Variants in GTF2A2 observed in about 807,000 individuals in gnomAD.
GTF2A2 encodes the protein transcription initiation factor IIA subunit 2.
GTF2A2 carries 9 observed loss-of-function variants against 14.3 expected under a neutral mutation model. That is an observed-to-expected ratio of 0.63 (90% CI 0.38 to 1.10). The LOEUF is 1.10. Among genes scored for constraint, GTF2A2 ranks in the 50% least tolerant of loss-of-function variants. The pLI, the probability that GTF2A2 is intolerant of heterozygous loss-of-function variation, is 0.01. For synonymous variants in GTF2A2, 56 were observed against 46.0 expected (o/e 1.22, Z -0.88); for missense variants, 90 against 124.6 (o/e 0.72, Z 1.32).
intron 4 of GTF2A2, among the ~76,000 whole-genome samples, chr15:59,640,722 A>C (rs1427703806): frequency 6.6e-6 from 1 of 151,594 alleles, no homozygotes; most frequent in Non-Finnish European, 1.5e-5. Flanking sequence ...ATAAAAATAA[A>C]TATAACAAGG....
At chr15:59,646,256 A>T (rs537212282) in intron 3 of GTF2A2, among the ~76,000 whole-genome samples, 5 of 152,156 alleles carry the variant, frequency 3.3e-5, no homozygotes, top group South Asian at 4.1e-4. Flanking sequence ...GGGTTTTACC[A>T]TATTGGTCAG....
chr15:59,649,794 CTT>C (rs1433195506), intron 3 of GTF2A2, among the ~76,000 whole-genome samples: 3 of 152,072 alleles, frequency 2.0e-5, no homozygotes, highest in African/African-American at 7.2e-5. Context: ...GGTATGTTAT[CTT>C]TTCATCTCTG....
chr15:59,642,611 ATATTT>A (rs1311717192), intron 3 of GTF2A2, among the ~76,000 whole-genome samples: 1 of 152,234 alleles, frequency 6.6e-6, no homozygotes, highest in East Asian at 1.9e-4. Flanking sequence ...TAAAAGTTAC[ATATTT>A]TATTGTGTAT....
intron 3 of GTF2A2, 107 bp from the exon 4 acceptor site, chr15:59,642,369 G>A (rs563069475): frequency 2.1e-6 from 2 of 930,686 alleles, no homozygotes; most frequent in Non-Finnish European, 3.0e-6. Flanking sequence ...TAAGTTTAAT[G>A]CTTAGCTTAA....
chr15:59,641,181 CTTTTTT>C (rs374075324), intron 4 of GTF2A2, among the ~76,000 whole-genome samples: 176 of 141,330 alleles, frequency 1.2e-3, no homozygotes, highest in Middle Eastern at 7.2e-3. Flanking sequence ...CAGCAAGACT[CTTTTTT>C]TTTTTTTTTT....
intron 3 of GTF2A2, among the ~76,000 whole-genome samples, chr15:59,642,502 A>C (rs1180388535): frequency 3.9e-5 from 6 of 152,220 alleles, no homozygotes; most frequent in Non-Finnish European, 7.3e-5. Context: ...CAAATTACTT[A>C]CCTGAAATAT....
intron 4 of GTF2A2, among the ~76,000 whole-genome samples, chr15:59,641,205 C>CTTATGA (rs1566924895): frequency 7.0e-6 from 1 of 142,966 alleles, no homozygotes; most frequent in Non-Finnish European, 1.5e-5. Context: ...TTTTTTAAGG[C>CTTATGA]TTAAGAGTAG....
intron 3 of GTF2A2, chr15:59,644,446 G>A (rs1369731745): frequency 6.6e-6 from 1 of 152,176 alleles, no homozygotes; most frequent in Non-Finnish European, 1.5e-5. Flanking sequence ...TGATAGCTAT[G>A]AATGAATGAA....
intron 4 of GTF2A2, among the ~76,000 whole-genome samples, chr15:59,639,620 G>T (rs1259401426): frequency 1.3e-5 from 2 of 150,684 alleles, no homozygotes; most frequent in East Asian, 2.0e-4. Context: ...CCGCCACCTC[G>T]CCCAGCTAAT....
chr15:59,650,629 C>G, intron 3 of GTF2A2, 40 bp downstream of exon 3: 1 of 1,119,444 alleles, frequency 8.9e-7, no homozygotes, highest in Non-Finnish European at 1.4e-6. Flanking sequence ...GTTTTAACAA[C>G]CATTGGTACA....
chr15:59,642,367 A>C (rs1159126371), intron 3 of GTF2A2, 105 bp from the exon 4 acceptor site: 1 of 942,886 alleles, frequency 1.1e-6, no homozygotes, highest in Admixed American at 3.0e-5. Flanking sequence ...AATAAGTTTA[A>C]TGCTTAGCTT....
intron 4 of GTF2A2, 140 bp downstream of exon 4, chr15:59,641,996 G>T: frequency 1.6e-6 from 1 of 617,826 alleles, no homozygotes; most frequent in Non-Finnish European, 2.8e-6. Flanking sequence ...GAATTTAGTG[G>T]AGATAAAAGC....
chr15:59,653,690 C>T (rs1243508081), intron 1 of GTF2A2, among the ~76,000 whole-genome samples: 1 of 152,114 alleles, frequency 6.6e-6, no homozygotes, highest in African/African-American at 2.4e-5. Flanking sequence ...ATTTGTATCT[C>T]CAGCCCTCAA....
Position 59,638,913 on chromosome 15 carries a change from C to A in GTF2A2, c.*219G>T. 2.2e-6 allele frequency: 1 copy of A among 460,792 alleles called. No homozygotes were observed. The allele number at this position is 460,792 out of a possible 1,614,324, so 28.5% of individuals were successfully genotyped here. On this transcript the variant is annotated 3_prime_UTR_variant, in exon 5 of 5. Transcript: ENST00000396060. ...TTAAAGAAGGTTCTTAGGAAGGCAA[C>A]AACTTTTGTCCTTAAAAAAAAGTTA...
chr15:59,652,454 G>C, intron 1 of GTF2A2, 128 bp from the exon 2 acceptor site: 1 of 524,842 alleles, frequency 1.9e-6, no homozygotes, highest in Non-Finnish European at 3.3e-6. Context: ...CACATTACTA[G>C]ATAATCATTT....
intron 4 of GTF2A2, among the ~76,000 whole-genome samples, chr15:59,641,353 T>C (rs146653537): frequency 0.015 from 2,313 of 152,186 alleles, 167 homozygotes; most frequent in Admixed American, 0.14. Flanking sequence ...TTTTCAGTGA[T>C]TGATTGATTA....
chr15:59,650,036 C>T (rs1891743545), intron 3 of GTF2A2, among the ~76,000 whole-genome samples: 1 of 152,078 alleles, frequency 6.6e-6, no homozygotes, highest in African/African-American at 2.4e-5. Flanking sequence ...TCCATCAATA[C>T]CATAATGTGG....
intron 2 of GTF2A2, among the ~76,000 whole-genome samples, chr15:59,650,994 T>C (rs1026981636): frequency 4.6e-5 from 7 of 152,100 alleles, no homozygotes; most frequent in Admixed American, 1.3e-4. Flanking sequence ...AAACATGCAG[T>C]GATGTTACAA....
chr15:59,640,475 G>T (rs1891374967), intron 4 of GTF2A2, among the ~76,000 whole-genome samples: 1 of 152,240 alleles, frequency 6.6e-6, no homozygotes, highest in African/African-American at 2.4e-5. Context: ...GTCCAATATG[G>T]TAACCACTGG....
Sources: allele counts gnomAD v4.1 joint callset (sites outside exome capture counted in the v4.1 genomes callset), GRCh38; gene constraint gnomAD v4.1.1; transcripts MANE v1.5; gene names NCBI Gene and HGNC (gene_info 2026-07-23, HGNC 2026-07-21).